The following PPFIA2 variants were observed in gnomAD, a reference collection of about 807,000 sequenced individuals.
PPFIA2 encodes PPFI scaffold protein A2, also known as liprin-alpha-2.
A neutral mutation model predicts 175.5 loss-of-function variants in PPFIA2; 46 were observed. The ratio of observed to expected loss-of-function variants is 0.26; its 90% CI spans 0.21 to 0.34. PPFIA2 has a LOEUF of 0.34. Among genes scored for constraint, PPFIA2 ranks in the 10% least tolerant of loss-of-function variants. The pLI, the probability that PPFIA2 is intolerant of heterozygous loss-of-function variation, is 1.00. For synonymous variants in PPFIA2, 568 were observed against 511.4 expected (o/e 1.11, Z -1.49); for missense variants, 1,179 against 1,506.1 (o/e 0.78, Z 3.60).
At chr12:81,477,859 AT>A (rs201397878) in intron 4 of PPFIA2, among the ~76,000 whole-genome samples, 13,731 of 146,112 alleles carry the variant, frequency 0.094, 798 homozygotes, top group East Asian at 0.25. Flanking sequence ...TTGGCCTGAA[AT>A]TTTTTTTTTT....
At chr12:81,707,422 T>C (rs1400828364) in intron 3 of PPFIA2, among the ~76,000 whole-genome samples, 1 of 152,114 alleles carries the variant, frequency 6.6e-6, no homozygotes, top group African/African-American at 2.4e-5. Flanking sequence ...CATGAAAAAA[T>C]GCTCACCATC....
chr12:81,586,949 A>T (rs2075381520), intron 4 of PPFIA2, among the ~76,000 whole-genome samples: 1 of 152,016 alleles, frequency 6.6e-6, no homozygotes, highest in African/African-American at 2.4e-5. Flanking sequence ...TACTGGAAGT[A>T]AATACTTTTA....
chr12:81,747,400 A>AAGAT (rs1002544653), intron 3 of PPFIA2, among the ~76,000 whole-genome samples: 5 of 144,304 alleles, frequency 3.5e-5, no homozygotes, highest in African/African-American at 1.2e-4. Flanking sequence ...ACTTTTTAAA[A>AAGAT]AGATAAATCA....
At chr12:81,456,349 C>T in intron 5 of PPFIA2, among the ~76,000 whole-genome samples, 1 of 152,142 alleles carries the variant, frequency 6.6e-6, no homozygotes, top group East Asian at 1.9e-4. Context: ...ACAGGTTCAT[C>T]AGAGTATCAT....
chr12:81,395,550 T>TTC (rs60253802), intron 8 of PPFIA2, among the ~76,000 whole-genome samples: 8 of 150,806 alleles, frequency 5.3e-5, no homozygotes, highest in East Asian at 2.0e-4. Flanking sequence ...TCTCCTCCCT[T>TTC]TCTCTCTCTC....
intron 4 of PPFIA2, among the ~76,000 whole-genome samples, chr12:81,579,764 G>A (rs904224859): frequency 2.0e-5 from 3 of 151,826 alleles, no homozygotes; most frequent in East Asian, 3.9e-4. Context: ...TCACATAGAC[G>A]GTACCGTTTG....
At chr12:81,321,618 G>A (rs1040045277) in intron 22 of PPFIA2, among the ~76,000 whole-genome samples, 4 of 152,066 alleles carry the variant, frequency 2.6e-5, no homozygotes, top group South Asian at 2.1e-4. Flanking sequence ...TTCCAGTTAT[G>A]CTTTTTTTTT....
intron 4 of PPFIA2, among the ~76,000 whole-genome samples, chr12:81,591,116 A>C (rs1462307078): frequency 7.4e-6 from 1 of 135,624 alleles, no homozygotes. Context: ...GATGGAGATG[A>C]GGATCTCTTT....
chr12:81,372,111 C>A (rs1166803649), intron 11 of PPFIA2, among the ~76,000 whole-genome samples: 1 of 151,716 alleles, frequency 6.6e-6, no homozygotes, highest in Non-Finnish European at 1.5e-5. Flanking sequence ...CACACAGAAA[C>A]AGTCTGCTAT....
chr12:81,357,463 C>T (rs1192925313), intron 16 of PPFIA2, among the ~76,000 whole-genome samples: 1 of 152,146 alleles, frequency 6.6e-6, no homozygotes, highest in East Asian at 1.9e-4. Context: ...CTGTAAAATA[C>T]AACTACATTA....
intron 4 of PPFIA2, among the ~76,000 whole-genome samples, chr12:81,638,445 A>G (rs2064408778): frequency 6.6e-6 from 1 of 152,132 alleles, no homozygotes; most frequent in East Asian, 1.9e-4. Context: ...CTTCCTAGGA[A>G]TTGATAATTA....
chr12:81,334,260 C>T (rs1227256947), intron 21 of PPFIA2, among the ~76,000 whole-genome samples: 1 of 152,252 alleles, frequency 6.6e-6, no homozygotes, highest in South Asian at 2.1e-4. Flanking sequence ...TAAAACTTTT[C>T]TGGGCCAAAA....
chr12:81,474,559 T>C (rs1169309202), intron 4 of PPFIA2, among the ~76,000 whole-genome samples: 1 of 152,212 alleles, frequency 6.6e-6, no homozygotes, highest in Non-Finnish European at 1.5e-5. Context: ...CCCAAAGTGC[T>C]GAGATTACAG....
intron 9 of PPFIA2, among the ~76,000 whole-genome samples, chr12:81,381,580 G>A (rs2037716445): frequency 6.6e-6 from 1 of 152,074 alleles, no homozygotes; most frequent in African/African-American, 2.4e-5. Context: ...AAGTGAGCCC[G>A]GTGATTTGAT....
intron 28 of PPFIA2, among the ~76,000 whole-genome samples, chr12:81,274,690 C>T (rs2040046141): frequency 1.3e-5 from 2 of 152,180 alleles, no homozygotes; most frequent in African/African-American, 4.8e-5. Context: ...TTGATATTCA[C>T]ATGGTCTCTT....
In PPFIA2 at chr12:81,736,617, C is replaced by T. The variant is rs558438693; in HGVS notation, c.249+17356G>A. ...TTTTTCAACACCGTTGGGACAATTA[C>T]TGACATCTAGAATACTCAAAGGAAT... On this transcript the variant is annotated intron_variant, in intron 3 of 32. Transcript: ENST00000549396. 4.6e-5 allele frequency among the ~76,000 whole-genome samples: 7 copies of T among 152,060 alleles called. 1 individual carries two copies. The East Asian group carries it at 1.4e-3, about 30-fold the overall frequency.
At chr12:81,577,504 AGAG>A (rs2073758999) in intron 4 of PPFIA2, among the ~76,000 whole-genome samples, 1 of 151,934 alleles carries the variant, frequency 6.6e-6, no homozygotes, top group African/African-American at 2.4e-5. Context: ...AATTCAAAGA[AGAG>A]GAGGTTGGAC....
At chr12:81,605,650 G>GCCAT (rs752441783) in intron 4 of PPFIA2, among the ~76,000 whole-genome samples, 2 of 143,782 alleles carry the variant, frequency 1.4e-5, no homozygotes, top group Non-Finnish European at 3.0e-5. Flanking sequence ...CATCCATCCA[G>GCCAT]CTATCTATCT....
chr12:81,618,607 C>T (rs1384625231), intron 4 of PPFIA2, among the ~76,000 whole-genome samples: 6 of 146,556 alleles, frequency 4.1e-5, no homozygotes, highest in Non-Finnish European at 7.4e-5. Flanking sequence ...CGGCTCACTG[C>T]AAGCTCCGCC....
Sources: allele counts gnomAD v4.1 joint callset (sites outside exome capture counted in the v4.1 genomes callset), GRCh38; gene constraint gnomAD v4.1.1; transcripts MANE v1.5; gene names NCBI Gene and HGNC (gene_info 2026-07-23, HGNC 2026-07-21).